Variants in BCKDHB observed in about 807,000 individuals in gnomAD.
The protein encoded by BCKDHB is 2-oxoisovalerate dehydrogenase subunit beta, mitochondrial.
BCKDHB carries 41 observed loss-of-function variants against 48.5 expected under a neutral mutation model. The observed-to-expected ratio is 0.85, with a 90% CI of 0.66 to 1.10. BCKDHB has a LOEUF of 1.10. Among genes scored for constraint, BCKDHB ranks in the 50% least tolerant of loss-of-function variants. BCKDHB has a pLI of 0.00. For missense variants in BCKDHB, 496 were observed against 494.2 expected (o/e 1.00, Z -0.03); for synonymous variants, 201 against 174.8 (o/e 1.15, Z -1.18).
At chr6:80,298,311 C>G (rs1011035639) in intron 9 of BCKDHB, among the ~76,000 whole-genome samples, 1 of 151,984 alleles carries the variant, frequency 6.6e-6, no homozygotes. Context: ...CAGGGTTTTG[C>G]CATGTTGGCC....
the BCKDHB span, among the ~76,000 whole-genome samples, chr6:80,432,626 C>T: frequency 6.6e-6 from 1 of 152,084 alleles, no homozygotes; most frequent in Admixed American, 6.5e-5. Context: ...GTTAGACATG[C>T]TCCTTTAGCT....
At chr6:80,283,019 T>TA (rs1235715647) in intron 9 of BCKDHB, among the ~76,000 whole-genome samples, 1 of 152,120 alleles carries the variant, frequency 6.6e-6, no homozygotes, top group Non-Finnish European at 1.5e-5. Context: ...GGTGGTTACT[T>TA]ACTCAGAATT....
At chr6:80,427,389 C>A in the BCKDHB span, among the ~76,000 whole-genome samples, 1 of 152,106 alleles carries the variant, frequency 6.6e-6, no homozygotes, top group East Asian at 1.9e-4. Context: ...CCCATTCCAA[C>A]CTTTTTGCTA....
At chr6:80,354,104 G>C in the BCKDHB span, among the ~76,000 whole-genome samples, 3 of 152,100 alleles carry the variant, frequency 2.0e-5, no homozygotes, top group Non-Finnish European at 4.4e-5. Context: ...TGGATGAATA[G>C]TTTGCAAAAA....
the BCKDHB span, among the ~76,000 whole-genome samples, chr6:80,435,081 C>A: frequency 6.6e-6 from 1 of 152,236 alleles, no homozygotes; most frequent in Non-Finnish European, 1.5e-5. Flanking sequence ...GCTTTGTAGA[C>A]TGAAAACTAT....
At chr6:80,341,911 C>T (rs550409755) in intron 9 of BCKDHB, among the ~76,000 whole-genome samples, 6 of 152,178 alleles carry the variant, frequency 3.9e-5, no homozygotes, top group Admixed American at 6.5e-5. Context: ...CCCAGTCTGT[C>T]ATCTCTTTTC....
chr6:80,273,594 A>G (rs977443466), intron 9 of BCKDHB, among the ~76,000 whole-genome samples: 1 of 152,064 alleles, frequency 6.6e-6, no homozygotes, highest in Non-Finnish European at 1.5e-5. Flanking sequence ...ACTTGAGGTT[A>G]TGGAATTGGT....
intron 8 of BCKDHB, among the ~76,000 whole-genome samples, chr6:80,246,546 G>C (rs1449092285): frequency 6.6e-6 from 1 of 152,152 alleles, no homozygotes; most frequent in Non-Finnish European, 1.5e-5. Flanking sequence ...GGTGGGAGGA[G>C]ACATGAGAAT....
At chr6:80,439,628 A>C in the BCKDHB span, among the ~76,000 whole-genome samples, 2 of 152,204 alleles carry the variant, frequency 1.3e-5, no homozygotes, top group African/African-American at 4.8e-5. Context: ...ATCCTGGGCC[A>C]CTTTTTAAAG....
chr6:80,110,841 A>G (rs1287218538), intron 1 of BCKDHB, among the ~76,000 whole-genome samples: 1 of 152,176 alleles, frequency 6.6e-6, no homozygotes, highest in East Asian at 1.9e-4. Context: ...GGGAAAATAA[A>G]TAGCTAGGGG....
intron 1 of BCKDHB, among the ~76,000 whole-genome samples, chr6:80,115,623 C>T (rs910904256): frequency 3.3e-5 from 5 of 151,194 alleles, no homozygotes; most frequent in Admixed American, 6.6e-5. Flanking sequence ...TTACGCACTG[C>T]GATAAATGCT....
At chr6:80,255,936 C>G (rs1451552005) in intron 8 of BCKDHB, among the ~76,000 whole-genome samples, 1 of 152,136 alleles carries the variant, frequency 6.6e-6, no homozygotes, top group Non-Finnish European at 1.5e-5. Flanking sequence ...ACTACTGGTT[C>G]CTGGTGGCCT....
In BCKDHB at chr6:80,196,328, C is replaced by T. The variant is rs556772280; in HGVS notation, c.743-4606C>T. ...ACCTTTTCTTTCTTTATGGAATATA[C>T]TCTCTATTTTTCTTGTGTCAAGTAC... On this transcript the variant is annotated intron_variant, in intron 6 of 9. Transcript: ENST00000320393. Among the ~76,000 whole-genome samples the T allele has an allele frequency of 3.9e-5, 6 of 152,136 alleles. No individual in the cohort carries two copies. In the East Asian group the frequency reaches 1.2e-3, roughly 29 times the overall value.
the BCKDHB span, among the ~76,000 whole-genome samples, chr6:80,450,689 C>T: frequency 6.6e-6 from 1 of 152,120 alleles, no homozygotes; most frequent in Non-Finnish European, 1.5e-5. Flanking sequence ...CAATCTCATG[C>T]ACCTTCCTCT....
chr6:80,213,903 C>T (rs1477238933), intron 8 of BCKDHB, among the ~76,000 whole-genome samples: 1 of 152,064 alleles, frequency 6.6e-6, no homozygotes, highest in Admixed American at 6.6e-5. Flanking sequence ...ATCATAGGAG[C>T]AGGATAAGGC....
rs989873156 is a variant in BCKDHB at position 80,343,667 on chromosome 6, G to A, written c.1042G>A (p.Glu348Lys). The A allele has an allele frequency of 2.5e-6, 4 of 1,614,024 alleles. No individual in the cohort carries two copies. The highest frequency in any genetic ancestry group is 2.7e-5 in the African/African-American group (2 of 75,038). ...AGCATCCTGACTCTGTCTGCAGGAG[G>A]AATGTTTCTTGAACCTAGAGGCTCC... ...ASEISSTVQEECFLNLEAPIS... is the reference protein window; with the variant it reads ...ASEISSTVQEKCFLNLEAPIS... The change falls in exon 10 of 10, where the codon GAA (glutamate) becomes AAA (lysine). Residue 348 changes from glutamate (E) to lysine (K), a missense_variant. Physicochemically the swap from Glu to Lys is moderately conservative, Grantham distance 56 (BLOSUM62 1). Transcript: ENST00000320393.
intron 8 of BCKDHB, among the ~76,000 whole-genome samples, chr6:80,259,288 A>G (rs1177689957): frequency 6.6e-6 from 1 of 152,138 alleles, no homozygotes; most frequent in Admixed American, 6.5e-5. Flanking sequence ...CTGCAATATT[A>G]TGGTTTCAGT....
the BCKDHB span, among the ~76,000 whole-genome samples, chr6:80,420,493 A>G: frequency 2.0e-5 from 3 of 152,176 alleles, no homozygotes; most frequent in East Asian, 3.9e-4. Context: ...CTGAAATGTT[A>G]AAGTTTGTAC....
chr6:80,283,733 A>T (rs1225049681), intron 9 of BCKDHB, among the ~76,000 whole-genome samples: 1 of 152,098 alleles, frequency 6.6e-6, no homozygotes, highest in African/African-American at 2.4e-5. Context: ...AAAGAAAATT[A>T]TAGTGGATTT....
Sources: gnomAD v4.1 joint callset for allele counts (sites outside exome capture counted in the v4.1 genomes callset) on GRCh38, gnomAD v4.1.1 for gene constraint, MANE v1.5 for transcripts, NCBI Gene and HGNC (gene_info 2026-07-23, HGNC 2026-07-21) for gene names.